The following SH3PXD2A variants were observed in gnomAD, a reference collection of about 807,000 sequenced individuals.
SH3PXD2A encodes the protein SH3 and PX domains 2A, also known as SH3 and PX domain-containing protein 2A.
A neutral mutation model predicts 115.2 loss-of-function variants in SH3PXD2A; 32 were observed. The observed-to-expected ratio is 0.28, with a 90% CI of 0.21 to 0.37. The LOEUF (loss-of-function observed/expected upper bound fraction) is 0.37, where lower values mean the gene tolerates loss of function less well. SH3PXD2A is among the 10% of genes least tolerant of loss of function. SH3PXD2A has a pLI of 1.00. For synonymous variants in SH3PXD2A, 610 were observed against 629.1 expected, an observed-to-expected ratio of 0.97 and a Z score of 0.45; for missense variants, 1,328 against 1,498.7, an observed-to-expected ratio of 0.89 and a Z score of 1.88.
In SH3PXD2A at chr10:103,595,615, A is replaced by G. The variant is rs547510967; in HGVS notation, c.*6201T>C. ...CTTGAGGCGCAGCCTATTGGCCAGG[A>G]TGGAACTGGGAGCAAGGCGGGGACC... On this transcript the variant is annotated 3_prime_UTR_variant, in exon 15 of 15. Transcript: ENST00000369774. 6.6e-6 allele frequency: 1 copy of G among 152,410 alleles called. No homozygotes were observed. Among genetic ancestry groups the G allele is most frequent in the Admixed American group, 6.5e-5 (1 of 15,286 alleles). 9.4% of individuals were successfully genotyped at this position (152,410 alleles called of 1,614,324 possible). A position where few individuals can be genotyped will look rare whatever the true frequency, so the allele number is the denominator to read the frequency against.
At chr10:103,609,415 A>C (rs1424599808) in intron 13 of SH3PXD2A, 1 of 152,258 alleles carries the variant, frequency 6.6e-6, no homozygotes, top group African/African-American at 2.4e-5. Flanking sequence ...ATAGGCAGGC[A>C]AGCACTAAAT....
At chr10:103,788,241 G>A (rs1474915288) in intron 2 of SH3PXD2A, among the ~76,000 whole-genome samples, 5 of 152,166 alleles carry the variant, frequency 3.3e-5, no homozygotes, top group African/African-American at 7.2e-5. Flanking sequence ...CAGGCTCTGC[G>A]AGTACAGCCA....
Position 103,644,941 on chromosome 10 carries a change from C to T in SH3PXD2A, c.604+16042G>A, listed in dbSNP as rs189342777. Among the ~76,000 whole-genome samples, 455 of 152,252 alleles carry T rather than the reference C, an allele frequency of 3.0e-3. 2 individuals are homozygous for T. The highest frequency in any genetic ancestry group is 5.3e-3 in the Non-Finnish European group (359 of 68,026). On this transcript the variant is annotated intron_variant, in intron 8 of 14. Coordinates refer to ENST00000369774, the MANE Select transcript of SH3PXD2A (RefSeq NM_001394015.1). ...TTCTTGGGGCCTGGGAGAAGTACCC[C>T]GTCTTGCTTTTTGAATGCACATGCA...
At chr10:103,704,887 A>T (rs2037963059) in intron 5 of SH3PXD2A, among the ~76,000 whole-genome samples, 1 of 152,134 alleles carries the variant, frequency 6.6e-6, no homozygotes, top group Non-Finnish European at 1.5e-5. Context: ...AGGCAGCATG[A>T]CCTGGGTGGT....
At chr10:103,834,631 C>T (rs1010366878) in intron 1 of SH3PXD2A, among the ~76,000 whole-genome samples, 1 of 152,246 alleles carries the variant, frequency 6.6e-6, no homozygotes, top group African/African-American at 2.4e-5. Flanking sequence ...TCGGCATGGG[C>T]CACCACTCAG....
chr10:103,606,059 T>A, intron 13 of SH3PXD2A, 142 bp from the exon 14 acceptor site: 1 of 752,094 alleles, frequency 1.3e-6, no homozygotes, highest in Non-Finnish European at 2.2e-6. Flanking sequence ...AGTACGTATC[T>A]ATCATGGGAG....
chr10:103,608,159 A>AAAAAAAAAAGTTTACAAAAAAAAAG, intron 13 of SH3PXD2A, among the ~76,000 whole-genome samples: 1 of 145,148 alleles, frequency 6.9e-6, no homozygotes, highest in Admixed American at 6.8e-5. Context: ...TTAAAAAAAA[A>AAAAAAAAAAGTTTACAAAAAAAAAG]AAAAAAAAAA....
At chr10:103,749,751 A>G (rs1342120493) in intron 3 of SH3PXD2A, 1 of 152,224 alleles carries the variant, frequency 6.6e-6, no homozygotes, top group South Asian at 2.1e-4. Flanking sequence ...TTATAAAAAC[A>G]TTGTAACTGC....
chr10:103,814,942 G>C (rs1175947750), intron 1 of SH3PXD2A, among the ~76,000 whole-genome samples: 1 of 151,990 alleles, frequency 6.6e-6, no homozygotes, highest in Non-Finnish European at 1.5e-5. Context: ...GAGGATGTTT[G>C]AGCTGAGACC....
intron 12 of SH3PXD2A, among the ~76,000 whole-genome samples, chr10:103,612,322 T>C (rs2036440598): frequency 6.6e-6 from 1 of 152,142 alleles, no homozygotes; most frequent in African/African-American, 2.4e-5. Flanking sequence ...CCAAGTCTCT[T>C]AGGTTTCCAG....
chr10:103,643,312 T>C (rs2036982442), intron 8 of SH3PXD2A, among the ~76,000 whole-genome samples: 1 of 152,236 alleles, frequency 6.6e-6, no homozygotes, highest in African/African-American at 2.4e-5. Context: ...TAACTCTGCA[T>C]TCCCCAAGCC....
chr10:103,801,220 G>A (rs986301040), intron 2 of SH3PXD2A, 62 bp downstream of exon 2: 7 of 985,054 alleles, frequency 7.1e-6, no homozygotes, highest in South Asian at 3.9e-5. Flanking sequence ...ATAAGCGAGG[G>A]TATGAGAGAG....
At chr10:103,844,994 C>A (rs1405231651) in intron 1 of SH3PXD2A, among the ~76,000 whole-genome samples, 2 of 152,066 alleles carry the variant, frequency 1.3e-5, no homozygotes, top group Non-Finnish European at 2.9e-5. Context: ...AGGAGGTCAG[C>A]AGAAGATACA....
At chr10:103,814,437 G>T (rs1035505855) in intron 1 of SH3PXD2A, among the ~76,000 whole-genome samples, 2 of 152,238 alleles carry the variant, frequency 1.3e-5, no homozygotes, top group African/African-American at 4.8e-5. Flanking sequence ...AACTCCAGTT[G>T]TCCCTAAAGG....
chr10:103,850,810 G>T (rs375365114), intron 1 of SH3PXD2A, among the ~76,000 whole-genome samples: 1 of 152,084 alleles, frequency 6.6e-6, no homozygotes, highest in African/African-American at 2.4e-5. Context: ...TGACCGATTG[G>T]GTCCTAAATC....
chr10:103,780,401 G>A (rs994404442), intron 2 of SH3PXD2A, among the ~76,000 whole-genome samples: 1 of 152,236 alleles, frequency 6.6e-6, no homozygotes, highest in African/African-American at 2.4e-5. Flanking sequence ...AAAAGGAAAA[G>A]CGAAAGAGTA....
chr10:103,731,031 C>T (rs2038312662), intron 4 of SH3PXD2A, among the ~76,000 whole-genome samples: 2 of 151,956 alleles, frequency 1.3e-5, no homozygotes, highest in Non-Finnish European at 2.9e-5. Flanking sequence ...CCGGACTGGA[C>T]TGCAGGATAT....
chr10:103,692,930 C>G lies in SH3PXD2A; in HGVS notation c.427+98G>C, dbSNP rs1168413961. The G allele has an allele frequency of 1.3e-5, 13 of 973,030 alleles. No homozygotes were observed. In the East Asian group the frequency reaches 3.4e-4, roughly 26 times the overall value. 60.3% of individuals were successfully genotyped at this position (973,030 alleles called of 1,614,324 possible). A position where few individuals can be genotyped will look rare whatever the true frequency, so the allele number is the denominator to read the frequency against. Reference sequence around the variant, plus strand: ...TAGGCTGGCGTGCAAGGACAACCCCCCCCTCCCCGCCCCCAAGAAGTCCTC... The same window carrying G: ...TAGGCTGGCGTGCAAGGACAACCCCGCCCTCCCCGCCCCCAAGAAGTCCTC... On this transcript the variant is annotated intron_variant, in intron 6 of 14. Coordinates refer to ENST00000369774, the MANE Select transcript of SH3PXD2A (RefSeq NM_001394015.1).
intron 14 of SH3PXD2A, 89 bp downstream of exon 14, chr10:103,605,709 A>G: frequency 6.5e-7 from 1 of 1,539,386 alleles, no homozygotes; most frequent in South Asian, 1.1e-5. Flanking sequence ...GCCCCTCAGG[A>G]ATCTTACTAG....
Sources: allele counts gnomAD v4.1 joint callset (sites outside exome capture counted in the v4.1 genomes callset), GRCh38; gene constraint gnomAD v4.1.1; transcripts MANE v1.5; gene names NCBI Gene and HGNC (gene_info 2026-07-23, HGNC 2026-07-21).